Variants in MYO1B observed in about 807,000 individuals in gnomAD.
MYO1B encodes the protein myosin IB.
A neutral mutation model predicts 159.7 loss-of-function variants in MYO1B; 72 were observed. That is an observed-to-expected ratio of 0.45 (90% CI 0.37 to 0.55). The LOEUF is 0.55. Ranked by LOEUF, MYO1B falls within the 20% of genes least tolerant of loss-of-function variation. MYO1B has a pLI of 0.00. For missense variants in MYO1B, 1,062 were observed against 1,364.8 expected (o/e 0.78, Z 3.50); for synonymous variants, 468 against 473.8 (o/e 0.99, Z 0.16).
At chr2:191,381,730 T>C (rs1158380084) in intron 14 of MYO1B, among the ~76,000 whole-genome samples, 164 bp downstream of exon 14, 1 of 152,186 alleles carries the variant, frequency 6.6e-6, no homozygotes, top group Non-Finnish European at 1.5e-5. Context: ...ACTGATTACC[T>C]ATAAGAAGCT....
At chr2:191,400,981 A>G (rs1696577383) in intron 23 of MYO1B, 146 bp downstream of exon 23, 1 of 736,034 alleles carries the variant, frequency 1.4e-6, no homozygotes, top group Non-Finnish European at 2.2e-6. Flanking sequence ...CACACCTGGA[A>G]ACATTAGTTC....
chr2:191,262,856 C>T (rs1171559916), intron 1 of MYO1B: 6 of 152,204 alleles, frequency 3.9e-5, no homozygotes, highest in African/African-American at 1.4e-4. Context: ...TTCACCTCTT[C>T]AGCTATCCTT....
At chr2:191,348,857 G>A (rs1692737118) in intron 6 of MYO1B, among the ~76,000 whole-genome samples, 1 of 152,140 alleles carries the variant, frequency 6.6e-6, no homozygotes, top group Non-Finnish European at 1.5e-5. Flanking sequence ...CATGGCTTTG[G>A]TGTGACGAGA....
intron 3 of MYO1B, among the ~76,000 whole-genome samples, chr2:191,316,522 G>T (rs1441469889): frequency 1.3e-5 from 2 of 152,204 alleles, no homozygotes; most frequent in Non-Finnish European, 2.9e-5. Context: ...GTGTGTGTAT[G>T]TGTGTGTTTT....
intron 11 of MYO1B, among the ~76,000 whole-genome samples, chr2:191,368,945 G>A (rs1383578614): frequency 6.6e-6 from 1 of 152,148 alleles, no homozygotes; most frequent in Non-Finnish European, 1.5e-5. Flanking sequence ...CTGCACTCCA[G>A]CCTGGGCAAC....
chr2:191,387,071 C>T (rs1017913624), intron 16 of MYO1B, among the ~76,000 whole-genome samples, 153 bp from the exon 17 acceptor site: 5 of 152,056 alleles, frequency 3.3e-5, no homozygotes, highest in African/African-American at 1.2e-4. Flanking sequence ...AACTTGGAGG[C>T]GAACTCATTA....
intron 1 of MYO1B, among the ~76,000 whole-genome samples, chr2:191,247,417 A>G (rs1420608303): frequency 3.9e-5 from 6 of 152,172 alleles, no homozygotes; most frequent in African/African-American, 1.4e-4. Context: ...GTGGTAATGG[A>G]AAAGAGCTGT....
chr2:191,342,627 A>T (rs543654229), intron 5 of MYO1B, among the ~76,000 whole-genome samples: 1 of 152,272 alleles, frequency 6.6e-6, no homozygotes, highest in Admixed American at 6.5e-5. Context: ...CGGGTGGATC[A>T]CTTGAGGCCA....
At chr2:191,355,608 C>T (rs1351175804) in intron 7 of MYO1B, among the ~76,000 whole-genome samples, 2 of 152,228 alleles carry the variant, frequency 1.3e-5, no homozygotes, top group African/African-American at 4.8e-5. Context: ...GCTGGCCTCT[C>T]CTTGTGTGCA....
intron 1 of MYO1B, among the ~76,000 whole-genome samples, chr2:191,271,847 C>G (rs1388958155): frequency 6.6e-6 from 1 of 152,176 alleles, no homozygotes; most frequent in Non-Finnish European, 1.5e-5. Context: ...GTGTAGCCAT[C>G]TCTGTGTGTT....
chr2:191,386,744 G>A (rs1218281057), intron 16 of MYO1B, among the ~76,000 whole-genome samples: 1 of 152,026 alleles, frequency 6.6e-6, no homozygotes, highest in Non-Finnish European at 1.5e-5. Flanking sequence ...ATTTCAAAAT[G>A]TTAGAACTTG....
At chr2:191,282,803 G>C (rs376675131) in intron 2 of MYO1B, among the ~76,000 whole-genome samples, 3 of 152,200 alleles carry the variant, frequency 2.0e-5, no homozygotes, top group African/African-American at 4.8e-5. Flanking sequence ...ATCCCACTTA[G>C]ATGAAGTAGG....
chr2:191,298,619 T>C (rs987280903), intron 3 of MYO1B, among the ~76,000 whole-genome samples: 1 of 152,220 alleles, frequency 6.6e-6, no homozygotes, highest in African/African-American at 2.4e-5. Flanking sequence ...TGTTTTTCTT[T>C]CCTTTCTTAA....
intron 3 of MYO1B, among the ~76,000 whole-genome samples, chr2:191,326,724 A>C (rs537891203): frequency 5.1e-4 from 78 of 151,476 alleles, no homozygotes; most frequent in African/African-American, 1.9e-3. Context: ...AAATGAACTC[A>C]CAACAGGGTG....
At chr2:191,285,638 A>C (rs185322307) in intron 2 of MYO1B, among the ~76,000 whole-genome samples, 2 of 152,356 alleles carry the variant, frequency 1.3e-5, no homozygotes, top group Admixed American at 1.3e-4. Flanking sequence ...AGAGGAGTAC[A>C]TGATAGGCCA....
At chr2:191,362,411 C>T in intron 9 of MYO1B, 40 bp downstream of exon 9, 1 of 1,454,606 alleles carries the variant, frequency 6.9e-7, no homozygotes, top group Non-Finnish European at 9.6e-7. Context: ...AATTGCATAC[C>T]ACTGCATTGC....
chr2:191,288,480 C>T (rs1688511623), intron 2 of MYO1B, among the ~76,000 whole-genome samples: 1 of 152,082 alleles, frequency 6.6e-6, no homozygotes, highest in Non-Finnish European at 1.5e-5. Flanking sequence ...AGACTAATGG[C>T]TCATTTAGCC....
At chr2:191,375,204 T>C (rs1187181240) in intron 13 of MYO1B, among the ~76,000 whole-genome samples, 1 of 152,216 alleles carries the variant, frequency 6.6e-6, no homozygotes, top group African/African-American at 2.4e-5. Context: ...GGTAAGAGTA[T>C]GATAGGCTGG....
intron 3 of MYO1B, among the ~76,000 whole-genome samples, chr2:191,318,173 G>A (rs1690474056): frequency 6.6e-6 from 1 of 152,154 alleles, no homozygotes; most frequent in Admixed American, 6.6e-5. Context: ...GTAGAAATAG[G>A]ATTTTATAGG....
Sources: allele counts gnomAD v4.1 joint callset (sites outside exome capture counted in the v4.1 genomes callset), GRCh38; gene constraint gnomAD v4.1.1; transcripts MANE v1.5; gene names NCBI Gene and HGNC (gene_info 2026-07-23, HGNC 2026-07-21).